The following SNX24 variants were observed in gnomAD, a reference collection of about 807,000 sequenced individuals.
SNX24 encodes sorting nexin-24.
SNX24 carries 22 observed loss-of-function variants against 28.7 expected under a neutral mutation model. The observed-to-expected ratio is 0.77, with a 90% CI of 0.55 to 1.10. The LOEUF is 1.10. Among genes scored for constraint, SNX24 ranks in the 50% least tolerant of loss-of-function variants. The pLI is 0.00. For missense variants in SNX24, 221 were observed against 201.1 expected, an observed-to-expected ratio of 1.10 and a Z score of -0.60; for synonymous variants, 69 against 71.5, an observed-to-expected ratio of 0.96 and a Z score of 0.18.
At chr5:123,025,952 A>G (rs1269758049) in intron 5 of SNX24, 1 of 1,601,718 alleles carries the variant, frequency 6.2e-7, no homozygotes, top group East Asian at 2.2e-5. Context: ...GAAATGTCTC[A>G]CCATAGATGC....
At chr5:123,013,577 GT>G (rs199721774), downstream of SNX24, among the ~76,000 whole-genome samples, 1,661 of 152,296 alleles carry the variant, frequency 0.011, 15 homozygotes, top group Middle Eastern at 0.051. Flanking sequence ...CTATTTTTGT[GT>G]GACGGGAAGG....
intron 1 of SNX24, among the ~76,000 whole-genome samples, chr5:122,882,306 A>G (rs1281750484): frequency 1.3e-5 from 2 of 152,144 alleles, no homozygotes; most frequent in Non-Finnish European, 1.5e-5. Flanking sequence ...TAGCATTAGG[A>G]TGCCTCTACT....
intron 3 of SNX24, among the ~76,000 whole-genome samples, chr5:122,972,613 G>A (rs913120322): frequency 2.6e-5 from 4 of 152,232 alleles, no homozygotes; most frequent in African/African-American, 9.6e-5. Flanking sequence ...TAAAGTGAGT[G>A]CCTTGATCAG....
intron 6 of SNX24, among the ~76,000 whole-genome samples, chr5:123,004,727 T>C (rs771907289): frequency 3.9e-5 from 6 of 152,182 alleles, no homozygotes; most frequent in Non-Finnish European, 8.8e-5. Flanking sequence ...TGGAATTCTT[T>C]CTGGGCCTCA....
intron 1 of SNX24, among the ~76,000 whole-genome samples, chr5:122,913,520 G>T (rs1470849768): frequency 7.2e-5 from 11 of 152,150 alleles, no homozygotes; most frequent in Non-Finnish European, 1.5e-4. Flanking sequence ...TGGCTGCCTG[G>T]CGGAGGGGCT....
At chr5:122,958,595 G>A (rs1198580710) in intron 3 of SNX24, among the ~76,000 whole-genome samples, 3 of 151,750 alleles carry the variant, frequency 2.0e-5, no homozygotes, top group African/African-American at 4.8e-5. Context: ...ATGATCATGT[G>A]GTTTGTTTCT....
intron 3 of SNX24, among the ~76,000 whole-genome samples, chr5:122,977,146 A>G (rs372353592): frequency 6.6e-6 from 1 of 152,176 alleles, no homozygotes; most frequent in East Asian, 1.9e-4. Flanking sequence ...GAAGTGAAGA[A>G]ATGGGGTTGT....
At chr5:122,908,431 G>T (rs183445318) in intron 1 of SNX24, among the ~76,000 whole-genome samples, 3 of 152,100 alleles carry the variant, frequency 2.0e-5, no homozygotes, top group Non-Finnish European at 2.9e-5. Flanking sequence ...TGTAGCAGCC[G>T]GCACTTTTCC....
At chr5:123,023,995 C>T (rs748585341) in intron 5 of SNX24, 14 of 1,611,284 alleles carry the variant, frequency 8.7e-6, no homozygotes, top group South Asian at 7.7e-5. Context: ...CTATGGAGTG[C>T]ACCACTGTCT....
chr5:123,006,109 T>A (rs1355763419), intron 6 of SNX24, among the ~76,000 whole-genome samples: 1 of 152,216 alleles, frequency 6.6e-6, no homozygotes, highest in East Asian at 1.9e-4. Context: ...ACACAGGTAT[T>A]AAGTGGTCGA....
At chr5:122,904,906 G>C (rs945427877) in intron 1 of SNX24, among the ~76,000 whole-genome samples, 1 of 152,152 alleles carries the variant, frequency 6.6e-6, no homozygotes, top group Non-Finnish European at 1.5e-5. Context: ...GACCTGTTTG[G>C]AGCGGCCGTC....
At chr5:122,939,131 T>C (rs1272284485) in intron 2 of SNX24, among the ~76,000 whole-genome samples, 1 of 152,172 alleles carries the variant, frequency 6.6e-6, no homozygotes, top group Non-Finnish European at 1.5e-5. Flanking sequence ...ACCTTACCCT[T>C]TTATTGCAGT....
intron 1 of SNX24, among the ~76,000 whole-genome samples, chr5:122,866,894 CTCA>C (rs1202792822): frequency 6.6e-6 from 1 of 152,194 alleles, no homozygotes; most frequent in Admixed American, 6.5e-5. Flanking sequence ...GGAAGCATTC[CTCA>C]CTATGGAACT....
chr5:122,851,989 T>C lies in SNX24; in HGVS notation c.60+6296T>C, dbSNP rs573780831. ...CCAGTTTCTGGTTGTTTTTGTTGGT[T>C]TTAAAATAAGCACAATGTAAACCCT... On this transcript the variant is annotated intron_variant, in intron 1 of 6. Transcript: ENST00000261369. Among the ~76,000 whole-genome samples the C allele has an allele frequency of 9.2e-5, 14 of 152,032 alleles. No individual in the cohort carries two copies. The South Asian group carries it at 2.7e-3, about 29-fold the overall frequency.
chr5:122,974,611 T>G (rs1761093575), intron 3 of SNX24, among the ~76,000 whole-genome samples: 1 of 152,232 alleles, frequency 6.6e-6, no homozygotes, highest in South Asian at 2.1e-4. Flanking sequence ...GCAGCTGCAG[T>G]TGGAGTTACC....
chr5:122,969,529 C>T lies in SNX24; in HGVS notation c.249+23370C>T, dbSNP rs767618940. 2.6e-4 allele frequency among the ~76,000 whole-genome samples: 39 copies of T among 152,146 alleles called. 1 individual carries two copies. The highest frequency in any genetic ancestry group is 5.6e-4 in the Non-Finnish European group (38 of 68,026). On this transcript the variant is annotated intron_variant, in intron 3 of 6. Coordinates refer to ENST00000261369, the MANE Select transcript of SNX24 (RefSeq NM_014035.4). ...GTATTCCATTTTTGCTATTTCCCGACCCTTGCAGGATTCAGGATGAAATCG... is the reference window on the plus strand; with the variant it reads ...GTATTCCATTTTTGCTATTTCCCGATCCTTGCAGGATTCAGGATGAAATCG...
intron 3 of SNX24, 135 bp from the exon 4 acceptor site, chr5:122,999,777 A>G: frequency 1.5e-6 from 1 of 679,304 alleles, no homozygotes; most frequent in South Asian, 1.7e-5. Context: ...AACAGAGACC[A>G]CTCCTCATCT....
Position 122,863,645 on chromosome 5 carries a change from G to A in SNX24, c.60+17952G>A, listed in dbSNP as rs376064618. ...TGCCCCAGGCTGAAGTGATCCTCCA[G>A]CAGGATCACTTGATGCTCAGGAGGC... is the stretch of plus-strand genomic sequence containing the variant. On this transcript the variant is annotated intron_variant, in intron 1 of 6. Coordinates refer to ENST00000261369, the MANE Select transcript of SNX24 (RefSeq NM_014035.4). Among the ~76,000 whole-genome samples the A allele has an allele frequency of 1.1e-4, 16 of 152,122 alleles. 2 individuals are homozygous for A. The highest frequency in any genetic ancestry group is 3.9e-4 in the East Asian group (2 of 5,164).
At chr5:122,947,304 C>G (rs1200928475) in intron 3 of SNX24, among the ~76,000 whole-genome samples, 2 of 151,896 alleles carry the variant, frequency 1.3e-5, no homozygotes, top group African/African-American at 4.8e-5. Context: ...AATGGCTGTC[C>G]CTGAACCACT....
Sources: allele counts gnomAD v4.1 joint callset (sites outside exome capture counted in the v4.1 genomes callset), GRCh38; gene constraint gnomAD v4.1.1; transcripts MANE v1.5; gene names NCBI Gene and HGNC (gene_info 2026-07-23, HGNC 2026-07-21).